SLC41A3: variants seen among roughly 807,000 people sequenced by gnomAD.
The protein encoded by SLC41A3 is solute carrier family 41 member 3, also known as SLC41A1-like 2.
SLC41A3 carries 44 observed loss-of-function variants against 45.4 expected under a neutral mutation model. The observed-to-expected ratio is 0.97, with a 90% CI of 0.76 to 1.25. SLC41A3 has a LOEUF of 1.25. Among genes scored for constraint, SLC41A3 ranks in the 50% most tolerant of loss-of-function variants. The pLI, the probability that SLC41A3 is intolerant of heterozygous loss-of-function variation, is 0.00. For missense variants in SLC41A3, 550 were observed against 600.6 expected (o/e 0.92, Z 0.88); for synonymous variants, 256 against 252.4 (o/e 1.01, Z -0.13).
chr3:126,098,532 T>C (rs1945646787), intron 1 of SLC41A3, among the ~76,000 whole-genome samples: 1 of 152,232 alleles, frequency 6.6e-6, no homozygotes, highest in Non-Finnish European at 1.5e-5. Flanking sequence ...ATGTTTATTA[T>C]TGTTACTAAA....
intron 1 of SLC41A3, among the ~76,000 whole-genome samples, chr3:126,091,079 C>T (rs1222715574): frequency 1.3e-5 from 2 of 152,104 alleles, no homozygotes; most frequent in Admixed American, 1.3e-4. Context: ...TCTCACAGGG[C>T]CACATGGAAC....
chr3:126,068,037 G>A lies in SLC41A3; in HGVS notation c.183C>T (p.Thr61=), dbSNP rs1297722516. 13 of 1,613,688 alleles carry A rather than the reference G, an allele frequency of 8.1e-6. No homozygotes were observed. Among genetic ancestry groups the A allele is most frequent in the Admixed American group, 5.0e-5 (3 of 59,986 alleles). ...TCACCTGAAGGCCTATGGACCAGGT[G>A]GTCTCCCTGCTAGGCTCAGTCTCCA... ...KPLETEPSRE[T]TWSIGLQVTV... The change falls in exon 2 of 11, where the codon ACC becomes ACT. Residue 61 remains threonine, a synonymous_variant. Transcript: ENST00000360370.
intron 5 of SLC41A3, chr3:126,024,329 T>G: frequency 6.6e-6 from 1 of 152,186 alleles, no homozygotes; most frequent in East Asian, 1.9e-4. Context: ...TGTCAGACTG[T>G]GTTGTTTTCA....
intron 3 of SLC41A3, among the ~76,000 whole-genome samples, chr3:126,039,500 C>T (rs1942438934): frequency 6.6e-6 from 1 of 152,206 alleles, no homozygotes; most frequent in Admixed American, 6.5e-5. Context: ...CCACTGTGCA[C>T]CCTGTCATGG....
At chr3:126,010,124 A>G (rs1939551403) in intron 9 of SLC41A3, among the ~76,000 whole-genome samples, 1 of 152,220 alleles carries the variant, frequency 6.6e-6, no homozygotes, top group Non-Finnish European at 1.5e-5. Context: ...TGCCTCACAT[A>G]ACCAAGACTG....
chr3:126,035,374 G>A (rs1397849081), intron 3 of SLC41A3, among the ~76,000 whole-genome samples: 1 of 152,154 alleles, frequency 6.6e-6, no homozygotes, highest in African/African-American at 2.4e-5. Flanking sequence ...GGAAGGAGGC[G>A]AGATGGGACA....
intron 9 of SLC41A3, among the ~76,000 whole-genome samples, chr3:126,010,659 G>A (rs1939612692): frequency 1.3e-5 from 2 of 152,220 alleles, no homozygotes. Flanking sequence ...CATCTCCTGT[G>A]GCTGGCAGGG....
At chr3:126,090,345 T>C (rs1366206193) in intron 1 of SLC41A3, among the ~76,000 whole-genome samples, 1 of 152,214 alleles carries the variant, frequency 6.6e-6, no homozygotes, top group African/African-American at 2.4e-5. Flanking sequence ...GAACTTACTT[T>C]ACACAGAAAT....
At chr3:126,040,132 C>G (rs1364219119) in intron 3 of SLC41A3, among the ~76,000 whole-genome samples, 1 of 152,222 alleles carries the variant, frequency 6.6e-6, no homozygotes, top group Non-Finnish European at 1.5e-5. Context: ...GAGCTAGAAC[C>G]ATTTCAGCAA....
At chr3:126,081,204 T>G (rs1160761979) in intron 1 of SLC41A3, among the ~76,000 whole-genome samples, 2 of 152,234 alleles carry the variant, frequency 1.3e-5, no homozygotes, top group Non-Finnish European at 2.9e-5. Flanking sequence ...TCCTGTCATC[T>G]GCAACAATAT....
chr3:126,020,731 TTC>T (rs1279657445), intron 6 of SLC41A3, among the ~76,000 whole-genome samples: 1 of 152,186 alleles, frequency 6.6e-6, no homozygotes. Flanking sequence ...TTATAATCTC[TTC>T]TCTCTGAAGC....
intron 3 of SLC41A3, among the ~76,000 whole-genome samples, chr3:126,036,510 C>A (rs1056051481): frequency 1.3e-5 from 2 of 152,198 alleles, no homozygotes; most frequent in African/African-American, 4.8e-5. Context: ...ACAGCCCCAA[C>A]CCCACCCGCC....
At chr3:126,090,055 G>C (rs1377859798) in intron 1 of SLC41A3, among the ~76,000 whole-genome samples, 2 of 58,506 alleles carry the variant, frequency 3.4e-5, no homozygotes, top group Non-Finnish European at 6.7e-5. Context: ...TTTTTTTTTA[G>C]TTATTTGAGT....
At chr3:126,070,364 T>G (rs1445979236) in intron 1 of SLC41A3, 1 of 152,260 alleles carries the variant, frequency 6.6e-6, no homozygotes, top group Non-Finnish European at 1.5e-5. Flanking sequence ...TATTGTGAAC[T>G]GCGCACGCAG....
At chr3:126,030,117 T>C (rs1467096471) in intron 4 of SLC41A3, among the ~76,000 whole-genome samples, 1 of 147,906 alleles carries the variant, frequency 6.8e-6, no homozygotes, top group African/African-American at 2.5e-5. Context: ...TTATACAGAA[T>C]ATATAATTAT....
At chr3:126,067,853 A>G (rs1364484985) in intron 2 of SLC41A3, 94 bp downstream of exon 2, 3 of 1,467,822 alleles carry the variant, frequency 2.0e-6, no homozygotes, top group Non-Finnish European at 2.7e-6. Flanking sequence ...GGACTGCCCG[A>G]CAACCTTTAA....
intron 1 of SLC41A3, among the ~76,000 whole-genome samples, chr3:126,071,109 A>G (rs537985144): frequency 6.6e-6 from 1 of 152,352 alleles, no homozygotes; most frequent in East Asian, 1.9e-4. Flanking sequence ...CATTAGACAG[A>G]CAGAAAACAA....
In SLC41A3 at chr3:126,049,774, A is replaced by T. The variant is rs139124594; in HGVS notation, c.381+1169T>A. On this transcript the variant is annotated intron_variant, in intron 3 of 10. Coordinates refer to ENST00000360370, the MANE Select transcript of SLC41A3 (RefSeq NM_017836.4). ...TAAAACAAAAGAAATCTATCCTCTT[A>T]TAGTTCTAGAGGACAGGAGTCTGAA... Among the ~76,000 whole-genome samples the T allele has an allele frequency of 4.6e-5, 7 of 152,304 alleles. No individual in the cohort carries two copies. The East Asian group carries it at 1.4e-3, about 29-fold the overall frequency.
chr3:126,065,176 C>T (rs1282705555), intron 2 of SLC41A3, among the ~76,000 whole-genome samples: 1 of 152,214 alleles, frequency 6.6e-6, no homozygotes, highest in Non-Finnish European at 1.5e-5. Context: ...CCCAGAGCCT[C>T]ATGAAGAGAA....
Sources: gnomAD v4.1 joint callset for allele counts (sites outside exome capture counted in the v4.1 genomes callset) on GRCh38, gnomAD v4.1.1 for gene constraint, MANE v1.5 for transcripts, NCBI Gene and HGNC (gene_info 2026-07-23, HGNC 2026-07-21) for gene names.